Variants in DOCK4 observed in about 807,000 individuals in gnomAD.
DOCK4 encodes the protein dedicator of cytokinesis protein 4.
In DOCK4, 97 loss-of-function variants were observed where a neutral mutation model predicts 268.1. The ratio of observed to expected loss-of-function variants is 0.36; its 90% CI spans 0.31 to 0.43. The LOEUF is 0.43. DOCK4 is among the 20% of genes least tolerant of loss of function. DOCK4 has a pLI of 1.00. For synonymous variants in DOCK4, 954 were observed against 887.2 expected (o/e 1.08, Z -1.34); for missense variants, 2,145 against 2,455.7 (o/e 0.87, Z 2.67).
intron 1 of DOCK4, among the ~76,000 whole-genome samples, chr7:112,145,082 A>G (rs1190781400): frequency 1.3e-5 from 2 of 152,104 alleles, no homozygotes; most frequent in African/African-American, 4.8e-5. Context: ...AAAAAGGAGG[A>G]AAGTTGCAGG....
chr7:111,741,105 A>C lies in DOCK4; in HGVS notation c.5029T>G (p.Phe1677Val). The change falls in exon 47 of 53, where the codon TTT becomes GTT. Residue 1677 changes from phenylalanine (F) to valine (V), a missense_variant. Transcript: ENST00000428084. ...AGCTAATTAAGTACCTGCATGTTAA[A>C]GACTTCATCAGAGCTTTCTGATTGC... ...TGQSESSDEV[F>V]NMQPSPSTSS... The C allele has an allele frequency of 6.2e-7, 1 of 1,613,812 alleles. No homozygotes were observed. Among genetic ancestry groups the C allele is most frequent in the Non-Finnish European group, 8.5e-7 (1 of 1,179,840 alleles).
chr7:111,794,431 T>C (rs1005713938), intron 30 of DOCK4, among the ~76,000 whole-genome samples: 110 of 151,812 alleles, frequency 7.2e-4, no homozygotes, highest in Non-Finnish European at 1.9e-4. Context: ...TGGCAAAATA[T>C]AAGAGGAACA....
intron 1 of DOCK4, among the ~76,000 whole-genome samples, chr7:112,007,169 C>T (rs1800928065): frequency 6.6e-6 from 1 of 152,122 alleles, no homozygotes; most frequent in East Asian, 1.9e-4. Context: ...CAGGACACTC[C>T]GACCACACCT....
chr7:112,080,468 T>C (rs1465725986), intron 1 of DOCK4, among the ~76,000 whole-genome samples: 1 of 152,218 alleles, frequency 6.6e-6, no homozygotes, highest in South Asian at 2.1e-4. Context: ...CTTGCATTGA[T>C]AGAGAAATGT....
At chr7:112,097,603 C>T (rs995026726) in intron 1 of DOCK4, among the ~76,000 whole-genome samples, 1 of 152,170 alleles carries the variant, frequency 6.6e-6, no homozygotes, top group Non-Finnish European at 1.5e-5. Flanking sequence ...TACTGGCCTT[C>T]TGTAGAATAA....
At chr7:112,084,102 G>A (rs1358494042) in intron 1 of DOCK4, among the ~76,000 whole-genome samples, 1 of 152,156 alleles carries the variant, frequency 6.6e-6, no homozygotes, top group African/African-American at 2.4e-5. Flanking sequence ...AATCCACAGT[G>A]AGGACCTAAA....
intron 23 of DOCK4, among the ~76,000 whole-genome samples, chr7:111,859,045 G>T (rs1245300481): frequency 1.3e-5 from 2 of 152,018 alleles, no homozygotes; most frequent in Admixed American, 1.3e-4. Context: ...TTGAGACAGG[G>T]TCTCCATCTG....
chr7:111,727,999 G>C lies in DOCK4; in HGVS notation c.*275C>G, dbSNP rs1563412351. The stretch of plus-strand genomic sequence containing the variant: ...AAGATTAAACTATATAAAAAAAAGT[G>C]AACATAAAAAGGTACAAAAGGAGTC... On this transcript the variant is annotated 3_prime_UTR_variant, in exon 53 of 53. Transcript: ENST00000428084. 2.8e-6 allele frequency: 1 copy of C among 352,600 alleles called. No individual in the cohort carries two copies. Among genetic ancestry groups the C allele is most frequent in the Non-Finnish European group, 5.0e-6 (1 of 198,438 alleles). The allele number at this position is 352,600 out of a possible 1,614,324, so 21.8% of individuals were successfully genotyped here. A position where few individuals can be genotyped will look rare whatever the true frequency, so the allele number is the denominator to read the frequency against.
intron 39 of DOCK4, among the ~76,000 whole-genome samples, chr7:111,761,275 G>A (rs1797388704): frequency 1.3e-5 from 2 of 152,096 alleles, no homozygotes; most frequent in Admixed American, 6.5e-5. Flanking sequence ...GGCCAGGCTG[G>A]CCTTGAACTC....
chr7:111,959,405 T>C (rs1355292860), intron 8 of DOCK4, among the ~76,000 whole-genome samples: 1 of 152,228 alleles, frequency 6.6e-6, no homozygotes, highest in African/African-American at 2.4e-5. Context: ...AAGGGATCTA[T>C]GCCCATGATT....
intron 52 of DOCK4, among the ~76,000 whole-genome samples, chr7:111,729,416 G>C (rs928498829): frequency 6.6e-6 from 1 of 152,086 alleles, no homozygotes; most frequent in African/African-American, 2.4e-5. Flanking sequence ...AGGGTTAGCT[G>C]GGCGTGGTGG....
At chr7:111,995,157 G>A (rs1487493615) in intron 4 of DOCK4, among the ~76,000 whole-genome samples, 5 of 151,348 alleles carry the variant, frequency 3.3e-5, no homozygotes, top group African/African-American at 7.3e-5. Flanking sequence ...TTGGCCTCCC[G>A]AGTAGCTGGG....
At chr7:112,128,064 A>G (rs970056132) in intron 1 of DOCK4, among the ~76,000 whole-genome samples, 1 of 152,198 alleles carries the variant, frequency 6.6e-6, no homozygotes, top group Admixed American at 6.5e-5. Context: ...CTTATGCCTC[A>G]TTTACTTAAA....
chr7:111,963,482 T>C (rs530347536), intron 8 of DOCK4, among the ~76,000 whole-genome samples: 1,596 of 99,336 alleles, frequency 0.016, 17 homozygotes, highest in Non-Finnish European at 0.022. Context: ...CCCACCCGAA[T>C]ATTGCGCTTT....
chr7:112,082,833 TA>T (rs2135724352), intron 1 of DOCK4, among the ~76,000 whole-genome samples: 1 of 152,292 alleles, frequency 6.6e-6, no homozygotes, highest in African/African-American at 2.4e-5. Flanking sequence ...CTGAAAAATA[TA>T]TAATTTTTTA....
intron 50 of DOCK4, among the ~76,000 whole-genome samples, chr7:111,735,985 T>G (rs1219139207): frequency 1.3e-5 from 2 of 152,210 alleles, no homozygotes; most frequent in Non-Finnish European, 2.9e-5. Context: ...TGCATCGTGG[T>G]TTTCTTTAGT....
chr7:111,778,343 C>G lies in DOCK4; in HGVS notation c.3612G>C (p.Lys1204Asn), dbSNP rs1798581125. The G allele has an allele frequency of 6.2e-7, 1 of 1,612,016 alleles. No individual in the cohort carries two copies. Among genetic ancestry groups the G allele is most frequent in the African/African-American group, 1.3e-5 (1 of 74,852 alleles). ...GAATGTAGCGTATATACATCTCCTC[C>G]TTGTTCAGTTCAGTCTTATAGAAGT... is the stretch of plus-strand genomic sequence containing the variant. ...LLNFYKTELN[K>N]EEMYIRYIHK... Residue 1204 changes from lysine to asparagine, a missense_variant, in exon 36 of 53, where the codon AAG (lysine) becomes AAC (asparagine). By Grantham distance (94) the Lys-to-Asn change is moderately conservative (BLOSUM62 0). Around this residue, in one of 2 missense-constraint regions of DOCK4, gnomAD observed 1,598 missense variants for 1,986.7 expected, o/e 0.80. Coordinates refer to ENST00000428084, the MANE Select transcript of DOCK4 (RefSeq NM_001363540.2).
intron 16 of DOCK4, among the ~76,000 whole-genome samples, chr7:111,893,195 T>C (rs1808432896): frequency 6.6e-6 from 1 of 152,226 alleles, no homozygotes; most frequent in Non-Finnish European, 1.5e-5. Context: ...TGTCTAGGAA[T>C]TAATACCTGT....
At chr7:111,931,031 G>C (rs1440512621) in intron 12 of DOCK4, among the ~76,000 whole-genome samples, 1 of 152,192 alleles carries the variant, frequency 6.6e-6, no homozygotes. Context: ...ATCAGAGAGA[G>C]AGACCAGAGA....
Sources: allele counts gnomAD v4.1 joint callset (sites outside exome capture counted in the v4.1 genomes callset), GRCh38; gene constraint gnomAD v4.1.1; regional missense constraint gnomAD v4.1.1; transcripts MANE v1.5; gene names NCBI Gene and HGNC (gene_info 2026-07-23, HGNC 2026-07-21).